Variants in SYN2 observed in about 807,000 individuals in gnomAD.
SYN2 encodes synapsin-2.
Under a neutral mutation model 50.9 loss-of-function variants are expected in SYN2, and 19 were observed. The ratio of observed to expected loss-of-function variants is 0.37; its 90% CI spans 0.26 to 0.55. The LOEUF is 0.55. Among genes scored for constraint, SYN2 ranks in the 20% least tolerant of loss-of-function variants. The pLI is 0.81. For missense variants in SYN2, 587 were observed against 576.4 expected (o/e 1.02, Z -0.19); for synonymous variants, 255 against 224.9 (o/e 1.13, Z -1.20).
intron 1 of SYN2, among the ~76,000 whole-genome samples, chr3:12,129,588 CTTT>C (rs142631049): frequency 0.033 from 5,071 of 152,128 alleles, 257 homozygotes; most frequent in African/African-American, 0.11. Context: ...ACTCTTCCTT[CTTT>C]TTGATTCAGG....
chr3:12,158,151 C>T (rs1322254552), intron 5 of SYN2, among the ~76,000 whole-genome samples: 3 of 152,132 alleles, frequency 2.0e-5, no homozygotes, highest in Non-Finnish European at 1.5e-5. Context: ...GAGGCGGCAC[C>T]AAGGAGCCCG....
At chr3:12,154,266 G>C (rs776583975) in intron 5 of SYN2, 11 of 1,608,164 alleles carry the variant, frequency 6.8e-6, no homozygotes, top group Middle Eastern at 1.7e-4. Flanking sequence ...ATTCATGCAT[G>C]AATGAAGGCT....
intron 1 of SYN2, among the ~76,000 whole-genome samples, chr3:12,015,421 T>C (rs903604462): frequency 1.3e-5 from 2 of 152,218 alleles, no homozygotes; most frequent in East Asian, 1.9e-4. Flanking sequence ...TCAGTACTTA[T>C]TTGTTGAACT....
chr3:12,071,236 G>T, intron 1 of SYN2: 1 of 555,462 alleles, frequency 1.8e-6, no homozygotes, highest in East Asian at 4.6e-5. Context: ...CGTGCCCCCA[G>T]AGCGCAAGTA....
chr3:12,126,331 T>C (rs1696671131), intron 1 of SYN2, among the ~76,000 whole-genome samples: 2 of 152,350 alleles, frequency 1.3e-5, no homozygotes, highest in South Asian at 4.1e-4. Flanking sequence ...GTCTGCCATA[T>C]GTATATTCTG....
At chr3:12,167,118 T>C (rs1697818938) in intron 7 of SYN2, 116 bp from the exon 8 acceptor site, 2 of 1,044,256 alleles carry the variant, frequency 1.9e-6, no homozygotes, top group Admixed American at 2.0e-5. Flanking sequence ...CCTGGGCTAC[T>C]TGTGGGAGAA....
At chr3:12,028,727 GTT>G (rs1351891829) in intron 1 of SYN2, among the ~76,000 whole-genome samples, 75 of 148,108 alleles carry the variant, frequency 5.1e-4, no homozygotes, top group African/African-American at 1.5e-3. Context: ...GGGGTTGTTT[GTT>G]TTTTTCTTGT....
chr3:12,161,754 G>T, intron 6 of SYN2, 146 bp downstream of exon 6: 1 of 1,074,054 alleles, frequency 9.3e-7, no homozygotes, highest in South Asian at 1.4e-5. Flanking sequence ...AGCCATGAGT[G>T]TCACCCAACC....
At chr3:12,095,043 A>G (rs572042174) in intron 1 of SYN2, among the ~76,000 whole-genome samples, 1 of 152,202 alleles carries the variant, frequency 6.6e-6, no homozygotes, top group African/African-American at 2.4e-5. Flanking sequence ...GCAAAGTAAG[A>G]TGGCCTAAGT....
At chr3:12,129,349 C>T (rs1469667964) in intron 1 of SYN2, among the ~76,000 whole-genome samples, 3 of 152,088 alleles carry the variant, frequency 2.0e-5, no homozygotes, top group Non-Finnish European at 2.9e-5. Flanking sequence ...TTAATTCTAA[C>T]AAACTTTGGA....
intron 1 of SYN2, among the ~76,000 whole-genome samples, chr3:12,018,729 T>G (rs1054004649): frequency 2.6e-5 from 4 of 152,194 alleles, no homozygotes; most frequent in Non-Finnish European, 5.9e-5. Context: ...TGGAATAATT[T>G]TACTTGTCCT....
At position 12,169,872 on chromosome 3, in the gene SYN2, C is replaced by T; in HGVS notation, c.1274C>T (p.Ser425Phe). ...NQLLSRTPAL[S>F]PQRPLTTQQP... Reference sequence around the variant, plus strand: ...CTGCTGTCCAGGACTCCTGCCCTGTCTCCTCAGAGACCCCTAACAACCCAG... The same window carrying T: ...CTGCTGTCCAGGACTCCTGCCCTGTTTCCTCAGAGACCCCTAACAACCCAG... The change falls in exon 10 of 13, where the codon TCT becomes TTT. Residue 425 changes from serine (S) to phenylalanine (F), a missense_variant. Ser to Phe is a radical substitution (Grantham distance 155). Coordinates refer to ENST00000621198, the MANE Select transcript of SYN2 (RefSeq NM_133625.6). The T allele has an allele frequency of 1.2e-6, 2 of 1,612,472 alleles. No homozygotes were observed. Among genetic ancestry groups the T allele is most frequent in the East Asian group, 2.2e-5 (1 of 44,840 alleles).
chr3:12,071,217 C>T (rs1480462244), intron 1 of SYN2: 1 of 553,094 alleles, frequency 1.8e-6, no homozygotes, highest in Non-Finnish European at 3.7e-6. Context: ...CCATGAAGAT[C>T]AAGATCATCG....
At chr3:12,078,715 T>C (rs1695524509) in intron 1 of SYN2, among the ~76,000 whole-genome samples, 1 of 152,214 alleles carries the variant, frequency 6.6e-6, no homozygotes, top group Admixed American at 6.5e-5. Context: ...AGCCTTTTAA[T>C]GTAGCTTGAA....
At chr3:12,082,792 G>T (rs1695610748) in intron 1 of SYN2, among the ~76,000 whole-genome samples, 1 of 152,038 alleles carries the variant, frequency 6.6e-6, no homozygotes. Flanking sequence ...TGAGTTAGAA[G>T]TCAGGATACT....
intron 5 of SYN2, chr3:12,157,565 A>G (rs987642543): frequency 1.2e-5 from 16 of 1,338,308 alleles, no homozygotes; most frequent in Non-Finnish European, 1.6e-5. Context: ...GGGTCCATGA[A>G]GAAGTCTATA....
In SYN2 at chr3:12,173,642, G is replaced by T. The variant is rs144628366; in HGVS notation, c.1308+3736G>T. Among the ~76,000 whole-genome samples the T allele has an allele frequency of 1.2e-3, 179 of 152,238 alleles. 2 individuals carry two copies. Among genetic ancestry groups the T allele is most frequent in the Admixed American group, 2.4e-3 (37 of 15,292 alleles). On this transcript the variant is annotated intron_variant, in intron 10 of 12. Coordinates refer to ENST00000621198, the MANE Select transcript of SYN2 (RefSeq NM_133625.6). ...CAAAGTCACCTCCATGAGGCCAGAC[G>T]CAGTGACTCACGCCTGTAATCCCAG...
chr3:12,009,775 GTTA>G (rs2125129795), intron 1 of SYN2, among the ~76,000 whole-genome samples: 1 of 152,314 alleles, frequency 6.6e-6, no homozygotes, highest in East Asian at 1.9e-4. Flanking sequence ...GTTCATTTAT[GTTA>G]TTGTTGTTTC....
intron 1 of SYN2, among the ~76,000 whole-genome samples, chr3:12,061,948 A>G (rs1329014749): frequency 6.6e-6 from 1 of 152,076 alleles, no homozygotes; most frequent in Non-Finnish European, 1.5e-5. Context: ...AGTCTTCCCA[A>G]CTTGATCTGT....
Sources: allele counts gnomAD v4.1 joint callset (sites outside exome capture counted in the v4.1 genomes callset), GRCh38; gene constraint gnomAD v4.1.1; transcripts MANE v1.5; gene names NCBI Gene and HGNC (gene_info 2026-07-23, HGNC 2026-07-21).